The following PLXNA2 variants were observed in gnomAD, a reference collection of about 807,000 sequenced individuals.
PLXNA2 encodes the protein plexin-A2.
PLXNA2 carries 91 observed loss-of-function variants against 193.5 expected under a neutral mutation model. That is an observed-to-expected ratio of 0.47 (90% CI 0.40 to 0.56). The LOEUF is 0.56. PLXNA2 is among the 20% of genes least tolerant of loss of function. The probability of loss-of-function intolerance (pLI) is 0.00; values close to 1 mark genes in which losing one functional copy is unlikely to be tolerated. For missense variants in PLXNA2, 1,995 were observed against 2,503.2 expected (o/e 0.80, Z 4.33); for synonymous variants, 997 against 1,027.3 (o/e 0.97, Z 0.56).
intron 4 of PLXNA2, among the ~76,000 whole-genome samples, chr1:208,125,452 G>C (rs1359256147): frequency 6.6e-6 from 1 of 152,070 alleles, no homozygotes; most frequent in Non-Finnish European, 1.5e-5. Context: ...TTTACCCCTT[G>C]GTTCATCCTT....
At chr1:208,185,696 C>CAA (rs56384277) in intron 3 of PLXNA2, among the ~76,000 whole-genome samples, 2,586 of 57,144 alleles carry the variant, frequency 0.045, 94 homozygotes, top group African/African-American at 0.1. Flanking sequence ...TCTCTGAAAG[C>CAA]AAAAAAAAAA....
intron 12 of PLXNA2, among the ~76,000 whole-genome samples, chr1:208,074,418 G>A (rs1666077107): frequency 6.6e-6 from 1 of 152,198 alleles, no homozygotes; most frequent in Admixed American, 6.5e-5. Context: ...CCTCCCATGG[G>A]GGACAGCATC....
At chr1:208,075,997 G>A (rs1666134215) in intron 12 of PLXNA2, among the ~76,000 whole-genome samples, 1 of 150,604 alleles carries the variant, frequency 6.6e-6, no homozygotes, top group Non-Finnish European at 1.5e-5. Context: ...GGTGGAGGTT[G>A]CAGTGAGCCA....
chr1:208,168,737 T>G lies in PLXNA2; in HGVS notation c.1372-26274A>C, dbSNP rs963187864. Among the ~76,000 whole-genome samples, 75 of 141,046 alleles carry G rather than the reference T, an allele frequency of 5.3e-4. 2 individuals are homozygous for G. Among genetic ancestry groups the G allele is most frequent in the South Asian group, 3.6e-3 (15 of 4,132 alleles). 92.5% of individuals were successfully genotyped at this position (141,046 alleles called of 152,430 possible). A position where few individuals can be genotyped will look rare whatever the true frequency, so the allele number is the denominator to read the frequency against. ...AGAGTATGCGGGGTTTTTTTTTTTT[T>G]TTTTTTTTTTTTTTAGAATGACAGG... On this transcript the variant is annotated intron_variant, in intron 3 of 31. Coordinates refer to ENST00000367033, the MANE Select transcript of PLXNA2 (RefSeq NM_025179.4).
intron 12 of PLXNA2, among the ~76,000 whole-genome samples, chr1:208,063,042 C>T (rs1472902056): frequency 2.6e-5 from 4 of 152,162 alleles, no homozygotes; most frequent in Admixed American, 2.6e-4. Context: ...ATGAGCTTCA[C>T]CAGCCCCTCC....
chr1:208,047,811 C>T (rs943091189), intron 17 of PLXNA2, among the ~76,000 whole-genome samples: 1 of 152,260 alleles, frequency 6.6e-6, no homozygotes, highest in Admixed American at 6.5e-5. Flanking sequence ...CAAGTCTTAA[C>T]CCTTCCTTTC....
chr1:208,240,684 C>T (rs557243458), intron 1 of PLXNA2, among the ~76,000 whole-genome samples: 20 of 148,600 alleles, frequency 1.3e-4, no homozygotes, highest in African/African-American at 4.7e-4. Flanking sequence ...TACCAGTTTC[C>T]CTATGGACAG....
intron 2 of PLXNA2, among the ~76,000 whole-genome samples, chr1:208,214,585 G>A (rs1671066371): frequency 6.6e-6 from 1 of 152,172 alleles, no homozygotes; most frequent in Non-Finnish European, 1.5e-5. Context: ...TCAATTTAGA[G>A]TACTCAGAAG....
chr1:208,156,380 A>T (rs764200949), intron 3 of PLXNA2, among the ~76,000 whole-genome samples: 4 of 152,036 alleles, frequency 2.6e-5, no homozygotes, highest in Admixed American at 1.3e-4. Flanking sequence ...TAGCTATACT[A>T]TTGAGCACAT....
At chr1:208,103,324 G>T in intron 4 of PLXNA2, 77 bp from the exon 5 acceptor site, 1 of 1,136,442 alleles carries the variant, frequency 8.8e-7, no homozygotes, top group Non-Finnish European at 1.3e-6. Flanking sequence ...AGTCCTGTGT[G>T]TACTCACACT....
intron 3 of PLXNA2, among the ~76,000 whole-genome samples, chr1:208,143,262 G>A (rs985939325): frequency 2.6e-5 from 4 of 152,206 alleles, no homozygotes; most frequent in Non-Finnish European, 5.9e-5. Flanking sequence ...AGCCAGGGTC[G>A]AGGAGCAGCG....
At chr1:208,092,655 G>A in intron 9 of PLXNA2, 131 bp downstream of exon 9, 1 of 579,868 alleles carries the variant, frequency 1.7e-6, no homozygotes, top group Non-Finnish European at 3.0e-6. Flanking sequence ...CTAGCATGCA[G>A]AATTTCTGGC....
chr1:208,170,223 T>C (rs947756950), intron 3 of PLXNA2, among the ~76,000 whole-genome samples: 3 of 152,150 alleles, frequency 2.0e-5, no homozygotes, highest in Non-Finnish European at 4.4e-5. Context: ...GGCAAAAAAA[T>C]AGGCCATTTT....
At chr1:208,218,275 C>T (rs767562186) in intron 1 of PLXNA2, among the ~76,000 whole-genome samples, 8 of 152,148 alleles carry the variant, frequency 5.3e-5, no homozygotes, top group Admixed American at 1.3e-4. Flanking sequence ...CTTAAGCCAT[C>T]GTTTTCATCT....
chr1:208,221,086 A>G (rs1671314036), intron 1 of PLXNA2, among the ~76,000 whole-genome samples: 1 of 152,232 alleles, frequency 6.6e-6, no homozygotes, highest in Non-Finnish European at 1.5e-5. Context: ...ATGAGGTCAC[A>G]GGGCAGGAAG....
At chr1:208,198,698 C>T (rs1670439603) in intron 3 of PLXNA2, among the ~76,000 whole-genome samples, 1 of 152,196 alleles carries the variant, frequency 6.6e-6, no homozygotes, top group Non-Finnish European at 1.5e-5. Context: ...GGTAGCCCTT[C>T]CCCTCTTCTC....
chr1:208,217,002 G>T lies in PLXNA2; in HGVS notation c.921C>A (p.Tyr307Ter), dbSNP rs1217142453. The T allele has an allele frequency of 6.2e-7, 1 of 1,612,062 alleles. No homozygotes were observed. Among genetic ancestry groups the T allele is most frequent in the Non-Finnish European group, 8.5e-7 (1 of 1,178,676 alleles). Reference protein sequence around the residue: ...PFGCTRAGVEYRLLQAAYLAK... With the variant: ...PFGCTRAGVE ...CCAGGTAAGCAGCCTGCAGGAGGCG[G>T]TATTCCACCCCGGCCCGGGTGCAGC... Residue 307 changes from tyrosine (Y) to a stop codon, truncating the protein, a stop_gained, in exon 2 of 32, where the codon TAC becomes TAA. Transcript: ENST00000367033. LOFTEE classifies it high-confidence loss of function. The surrounding 1 kb of genome is among the most constrained non-coding windows in gnomAD (Gnocchi z 4.7).
In PLXNA2 at chr1:208,040,151, T is replaced by A. The variant is rs1293462010; in HGVS notation, c.4287-93A>T. ...GCCATGAGGTCTCCCAAGAGAACAA[T>A]GGAGCATGGGAGAACGCAGGGCGGG... On this transcript the variant is annotated intron_variant, in intron 22 of 31. Transcript: ENST00000367033. 3.9e-6 allele frequency: 4 copies of A among 1,020,678 alleles called. No individual in the cohort carries two copies. The Admixed American group carries it at 7.1e-5, about 18-fold the overall frequency. The allele number at this position is 1,020,678 out of a possible 1,614,324, so 63.2% of individuals were successfully genotyped here. A position where few individuals can be genotyped will look rare whatever the true frequency, so the allele number is the denominator to read the frequency against.
intron 1 of PLXNA2, among the ~76,000 whole-genome samples, chr1:208,225,872 C>T (rs973691258): frequency 6.6e-6 from 1 of 152,178 alleles, no homozygotes; most frequent in Non-Finnish European, 1.5e-5. Flanking sequence ...CTGGGACTTC[C>T]CAGTTTCTGA....
Sources: allele counts gnomAD v4.1 joint callset (sites outside exome capture counted in the v4.1 genomes callset), GRCh38; gene constraint gnomAD v4.1.1; non-coding constraint Gnocchi (gnomAD v3.1); transcripts MANE v1.5; gene names NCBI Gene and HGNC (gene_info 2026-07-23, HGNC 2026-07-21).